RB1: variants seen among roughly 807,000 people sequenced by gnomAD.
RB1 encodes the protein RB transcriptional corepressor 1, also known as retinoblastoma-associated protein.
RB1 carries 18 observed loss-of-function variants against 135.4 expected under a neutral mutation model. That is an observed-to-expected ratio of 0.13 (90% CI 0.09 to 0.20). RB1 has a LOEUF of 0.20. Among genes scored for constraint, RB1 ranks in the 10% least tolerant of loss-of-function variants. RB1 has a pLI of 1.00. For synonymous variants in RB1, 365 were observed against 373.2 expected (o/e 0.98, Z 0.25); for missense variants, 868 against 1,110.0 (o/e 0.78, Z 3.10).
intron 7 of RB1, among the ~76,000 whole-genome samples, chr13:48,360,961 C>G (rs1221657558): frequency 2.0e-5 from 3 of 152,038 alleles, no homozygotes; most frequent in African/African-American, 7.2e-5. Flanking sequence ...GCTCATTAAA[C>G]TTTGTGAACA....
intron 14 of RB1, 132 bp downstream of exon 14, chr13:48,379,782 A>G: frequency 8.3e-7 from 1 of 1,200,476 alleles, no homozygotes; most frequent in Non-Finnish European, 1.2e-6. Context: ...CAAAATGGTG[A>G]AACCCTGTCT....
chr13:48,321,298 A>T (rs1247391458), intron 2 of RB1, among the ~76,000 whole-genome samples: 2 of 144,196 alleles, frequency 1.4e-5, no homozygotes, highest in African/African-American at 5.0e-5. Flanking sequence ...TTTTCTTTCT[A>T]TGTCTGCTTA....
At chr13:48,305,391 G>T (rs1413337325) in intron 1 of RB1, among the ~76,000 whole-genome samples, 1 of 152,118 alleles carries the variant, frequency 6.6e-6, no homozygotes, top group African/African-American at 2.4e-5. Flanking sequence ...TAAAAACCAC[G>T]TCTGGGGCAT....
intron 2 of RB1, among the ~76,000 whole-genome samples, chr13:48,325,790 C>T (rs760552237): frequency 5.0e-4 from 76 of 152,040 alleles, no homozygotes; most frequent in Middle Eastern, 6.8e-3. Context: ...CAAACCGTTG[C>T]GGTGAATTAT....
chr13:48,461,835 TA>T (rs1461214924), intron 20 of RB1, among the ~76,000 whole-genome samples: 5 of 152,128 alleles, frequency 3.3e-5, no homozygotes, highest in Admixed American at 2.0e-4. Context: ...ATTTTTTATT[TA>T]TTTTTTTTAT....
At chr13:48,409,114 T>C (rs2138192666) in intron 17 of RB1, among the ~76,000 whole-genome samples, 1 of 151,782 alleles carries the variant, frequency 6.6e-6, no homozygotes, top group South Asian at 2.1e-4. Flanking sequence ...CCATGGTTAG[T>C]ATCTTCACTA....
chr13:48,320,598 C>T (rs1952226418), intron 2 of RB1: 1 of 366,218 alleles, frequency 2.7e-6, no homozygotes, highest in Non-Finnish European at 5.1e-6. Flanking sequence ...TTTGAGAGGC[C>T]GAGGCGGGCG....
intron 6 of RB1, among the ~76,000 whole-genome samples, chr13:48,357,113 C>T (rs198622): frequency 0.78 from 117,855 of 150,736 alleles, 51,751 homozygotes; most frequent in Non-Finnish European, 0.97. Context: ...CACCGTATCC[C>T]TTTTTAAACT....
At chr13:48,347,709 AT>A (rs1406225620) in intron 4 of RB1, 115 bp from the exon 5 acceptor site, 4 of 691,982 alleles carry the variant, frequency 5.8e-6, no homozygotes, top group African/African-American at 1.8e-5. Flanking sequence ...AATGCTATAT[AT>A]TTTTTGTTTT....
intron 2 of RB1, among the ~76,000 whole-genome samples, chr13:48,326,258 G>A (rs779873792): frequency 1.8e-4 from 28 of 151,714 alleles, no homozygotes; most frequent in Non-Finnish European, 8.8e-5. Flanking sequence ...ATTATCCTCC[G>A]TAAAAATGCC....
chr13:48,413,287 G>A (rs1034702761), intron 17 of RB1, among the ~76,000 whole-genome samples: 1 of 152,166 alleles, frequency 6.6e-6, no homozygotes, highest in South Asian at 2.1e-4. Flanking sequence ...GTTGAACTGC[G>A]TGGTCTGCTC....
At chr13:48,413,944 T>C (rs1418872961) in intron 17 of RB1, among the ~76,000 whole-genome samples, 1 of 152,204 alleles carries the variant, frequency 6.6e-6, no homozygotes. Context: ...TCCTCCCAGC[T>C]CTTCCCTTAA....
intron 17 of RB1, among the ~76,000 whole-genome samples, chr13:48,437,090 AC>A (rs1949191888): frequency 6.6e-6 from 1 of 152,176 alleles, no homozygotes; most frequent in African/African-American, 2.4e-5. Flanking sequence ...TGTAGAACAG[AC>A]TTATAGCTTC....
chr13:48,413,275 C>T (rs1948849822), intron 17 of RB1, among the ~76,000 whole-genome samples: 1 of 152,192 alleles, frequency 6.6e-6, no homozygotes, highest in Admixed American at 6.5e-5. Context: ...TGGTCACTGG[C>T]TGTTGAACTG....
chr13:48,350,180 A>G (rs984427683), intron 6 of RB1, among the ~76,000 whole-genome samples: 1 of 152,140 alleles, frequency 6.6e-6, no homozygotes, highest in South Asian at 2.1e-4. Flanking sequence ...AATCTGCACT[A>G]TATAGACCAT....
chr13:48,318,152 C>T lies in RB1; in HGVS notation c.264+10746C>T, dbSNP rs74075910. 1.2e-4 allele frequency: 64 copies of T among 520,886 alleles called. 1 individual carries two copies. The highest frequency in any genetic ancestry group is 1.1e-3 in the African/African-American group (57 of 51,302). 32.3% of individuals were successfully genotyped at this position (520,886 alleles called of 1,614,324 possible). A position where few individuals can be genotyped will look rare whatever the true frequency, so the allele number is the denominator to read the frequency against. On this transcript the variant is annotated intron_variant, in intron 2 of 26. Coordinates refer to ENST00000267163, the MANE Select transcript of RB1 (RefSeq NM_000321.3). ...CCTGGCTCCTGACGCCCTCCTGCTT[C>T]GTCTTCTCTGCCATACTGCCACAGA...
Position 48,444,060 on chromosome 13 carries a change from C to T in RB1, c.1696-8933C>T, listed in dbSNP as rs145310335. Among the ~76,000 whole-genome samples, 9 of 152,282 alleles carry T rather than the reference C, an allele frequency of 5.9e-5. No individual in the cohort carries two copies. In the East Asian group the frequency reaches 1.7e-3, roughly 29 times the overall value. ...TCCTCCAACTCAGTTCTGATACTGT[C>T]TACTTGGAGATAGTGTCAGATCCCA... is the stretch of plus-strand genomic sequence containing the variant. On this transcript the variant is annotated intron_variant, in intron 17 of 26. Transcript: ENST00000267163.
In RB1 at chr13:48,381,230, T is replaced by C. The variant is rs1948532675; in HGVS notation, c.1499-17T>C. 6.3e-7 allele frequency: 1 copy of C among 1,586,416 alleles called. No homozygotes were observed. Among genetic ancestry groups the C allele is most frequent in the Admixed American group, 1.7e-5 (1 of 57,246 alleles). ...GTTAATATTTCATAAATAGTTACTT[T>C]TTTTTTTCATTTTTAGGAAGTACAT... On this transcript the variant is annotated splice_polypyrimidine_tract_variant and intron_variant, in intron 16 of 26. Coordinates refer to ENST00000267163, the MANE Select transcript of RB1 (RefSeq NM_000321.3).
chr13:48,321,412 C>T (rs565698762), intron 2 of RB1, among the ~76,000 whole-genome samples: 105 of 149,238 alleles, frequency 7.0e-4, no homozygotes, highest in African/African-American at 2.5e-3. Flanking sequence ...CCGCTGCCAC[C>T]GCCCCGCACC....
Sources: allele counts gnomAD v4.1 joint callset (sites outside exome capture counted in the v4.1 genomes callset), GRCh38; gene constraint gnomAD v4.1.1; transcripts MANE v1.5; gene names NCBI Gene and HGNC (gene_info 2026-07-23, HGNC 2026-07-21).